REPS1: variants seen among roughly 807,000 people sequenced by gnomAD.
The protein encoded by REPS1 is ralBP1-associated Eps domain-containing protein 1.
Under a neutral mutation model 100.9 loss-of-function variants are expected in REPS1, and 39 were observed. That is an observed-to-expected ratio of 0.39 (90% CI 0.30 to 0.50). The LOEUF is 0.50. REPS1 is among the 20% of genes least tolerant of loss of function. The probability of loss-of-function intolerance (pLI) is 0.86; values close to 1 mark genes in which losing one functional copy is unlikely to be tolerated. For missense variants in REPS1, 821 were observed against 968.5 expected (o/e 0.85, Z 2.02); for synonymous variants, 324 against 340.3 (o/e 0.95, Z 0.53).
At chr6:138,944,087 T>C (rs1782446640) in intron 5 of REPS1, 72 bp from the exon 6 acceptor site, 8 of 1,406,282 alleles carry the variant, frequency 5.7e-6, no homozygotes, top group Non-Finnish European at 7.9e-6. Flanking sequence ...TGCTAGGTTA[T>C]TTATCTTTGA....
chr6:138,911,440 T>A, intron 16 of REPS1, 69 bp from the exon 17 acceptor site: 1 of 998,188 alleles, frequency 1.0e-6, no homozygotes, highest in Non-Finnish European at 1.6e-6. Context: ...ATAGAATATG[T>A]ACCAAATCAG....
rs114173328 is a variant in REPS1 at position 138,983,115 on chromosome 6, A to G, written c.153+4415T>C. On this transcript the variant is annotated intron_variant, in intron 1 of 19. Coordinates refer to ENST00000450536, the MANE Select transcript of REPS1 (RefSeq NM_001286611.2). ...AGGTAAGAGCTGGGACGTGAATAATAGTAAGGGAGAGATACGAATATTCAC... is the reference window on the plus strand; with the variant it reads ...AGGTAAGAGCTGGGACGTGAATAATGGTAAGGGAGAGATACGAATATTCAC... Among the ~76,000 whole-genome samples, 1,152 of 152,320 alleles carry G rather than the reference A, an allele frequency of 7.6e-3. 9 individuals are homozygous for G. The highest frequency in any genetic ancestry group is 0.026 in the African/African-American group (1,065 of 41,566).
chr6:138,960,685 A>C (rs1240204325), intron 1 of REPS1, among the ~76,000 whole-genome samples: 1 of 152,188 alleles, frequency 6.6e-6, no homozygotes, highest in Non-Finnish European at 1.5e-5. Flanking sequence ...GTATTTAGAT[A>C]GCTTTTTAGG....
chr6:138,904,990 G>T lies in REPS1; in HGVS notation c.*74C>A. 8.4e-7 allele frequency: 1 copy of T among 1,188,304 alleles called. No individual in the cohort carries two copies. The allele number at this position is 1,188,304 out of a possible 1,614,324, so 73.6% of individuals were successfully genotyped here. ...TGTTGAGTTAAGCAGTGAGCTGAAT[G>T]TCTAGGTCTCCAAATTGGCTTTGAA... On this transcript the variant is annotated 3_prime_UTR_variant, in exon 20 of 20. Coordinates refer to ENST00000450536, the MANE Select transcript of REPS1 (RefSeq NM_001286611.2).
At chr6:138,932,128 G>C (rs1276122125) in intron 8 of REPS1, among the ~76,000 whole-genome samples, 1 of 152,136 alleles carries the variant, frequency 6.6e-6, no homozygotes, top group East Asian at 1.9e-4. Context: ...CCTCAGGGCA[G>C]TTATGATTTG....
chr6:138,922,531 T>C (rs1582736351), intron 10 of REPS1, among the ~76,000 whole-genome samples: 1 of 152,094 alleles, frequency 6.6e-6, no homozygotes, highest in South Asian at 2.1e-4. Context: ...AAGACAATGG[T>C]AGCCTCTCAG....
chr6:138,967,247 T>C (rs746801171), intron 1 of REPS1, among the ~76,000 whole-genome samples: 2 of 152,224 alleles, frequency 1.3e-5, no homozygotes, highest in African/African-American at 2.4e-5. Context: ...TTTTTTTCAT[T>C]ACCAATTACC....
At chr6:138,972,963 T>C (rs922128635) in intron 1 of REPS1, among the ~76,000 whole-genome samples, 9 of 152,166 alleles carry the variant, frequency 5.9e-5, no homozygotes, top group African/African-American at 2.2e-4. Flanking sequence ...AATGAAGTTC[T>C]AAAGCACCAA....
intron 7 of REPS1, among the ~76,000 whole-genome samples, chr6:138,942,686 C>T (rs1049893720): frequency 6.6e-6 from 1 of 152,136 alleles, no homozygotes; most frequent in Non-Finnish European, 1.5e-5. Flanking sequence ...AAGCAATCTG[C>T]CTGCCTTGGC....
At chr6:138,921,567 C>CTT (rs755518526) in intron 10 of REPS1, among the ~76,000 whole-genome samples, 2,069 of 57,724 alleles carry the variant, frequency 0.036, 417 homozygotes, top group South Asian at 0.07. Flanking sequence ...TAGGAGGATC[C>CTT]TTTTTTTTTT....
intron 19 of REPS1, among the ~76,000 whole-genome samples, chr6:138,906,915 A>AT (rs538416985): frequency 0.011 from 1,569 of 149,002 alleles, 8 homozygotes; most frequent in Non-Finnish European, 0.012. Flanking sequence ...TCTGGGAGTA[A>AT]TTTTTTTTTT....
At chr6:138,924,004 A>T (rs1421480222) in intron 10 of REPS1, among the ~76,000 whole-genome samples, 1 of 152,118 alleles carries the variant, frequency 6.6e-6, no homozygotes, top group Non-Finnish European at 1.5e-5. Context: ...CTTGCAAAGG[A>T]TCATGTGGGA....
At chr6:138,932,703 G>A (rs553300968) in intron 8 of REPS1, among the ~76,000 whole-genome samples, 16 of 152,222 alleles carry the variant, frequency 1.1e-4, no homozygotes, top group Admixed American at 5.2e-4. Flanking sequence ...CACTTTTTTC[G>A]TGGAACACCA....
Position 138,972,245 on chromosome 6 carries a change from G to A in REPS1, c.153+15285C>T, listed in dbSNP as rs557618840. Among the ~76,000 whole-genome samples, 19 of 152,268 alleles carry A rather than the reference G, an allele frequency of 1.2e-4. No homozygotes were observed. The East Asian group carries it at 1.5e-3, about 12-fold the overall frequency. On this transcript the variant is annotated intron_variant, in intron 1 of 19. Transcript: ENST00000450536. ...TTGAAAAGGGGGGCGGAATAAGCAC[G>A]AAAGTGAGGAGAGAGTCCTGTAGCT...
intron 13 of REPS1, among the ~76,000 whole-genome samples, chr6:138,916,715 G>A (rs972446222): frequency 1.3e-5 from 2 of 152,122 alleles, no homozygotes; most frequent in Admixed American, 6.5e-5. Context: ...TCATGTGTCC[G>A]CAGAGGCCAT....
At position 138,988,135 on chromosome 6, in the gene REPS1, T is replaced by A; in HGVS notation, c.-453A>T. 2.5e-6 allele frequency: 1 copy of A among 398,156 alleles called. No homozygotes were observed. The highest frequency in any genetic ancestry group is 1.3e-4 in the South Asian group (1 of 7,852). The allele number at this position is 398,156 out of a possible 1,614,324, so 24.7% of individuals were successfully genotyped here. A position where few individuals can be genotyped will look rare whatever the true frequency, so the allele number is the denominator to read the frequency against. On this transcript the variant is annotated 5_prime_UTR_variant, in exon 1 of 20. Transcript: ENST00000450536. ...AGCGGCAGCGCTTCCCGGAAAGTTG[T>A]GGGGCTTCGAACCTAAAGTTTCGGG...
intron 12 of REPS1, among the ~76,000 whole-genome samples, chr6:138,919,118 T>C (rs1351697565): frequency 2.6e-5 from 4 of 152,076 alleles, no homozygotes; most frequent in Non-Finnish European, 1.5e-5. Flanking sequence ...CCTACAGCTA[T>C]CAGTTTTCCT....
At chr6:138,982,958 A>C (rs750445812) in intron 1 of REPS1, among the ~76,000 whole-genome samples, 5 of 152,192 alleles carry the variant, frequency 3.3e-5, no homozygotes, top group Non-Finnish European at 7.3e-5. Context: ...TACTACGCAA[A>C]GGAGTAAGTT....
rs1465388364 is a variant in REPS1 at position 138,988,230 on chromosome 6, C to G, written c.-548G>C. 1 of 398,486 alleles carries G rather than the reference C, an allele frequency of 2.5e-6. No homozygotes were observed. Among genetic ancestry groups the G allele is most frequent in the African/African-American group, 2.1e-5 (1 of 48,734 alleles). The allele number at this position is 398,486 out of a possible 1,614,324, so 24.7% of individuals were successfully genotyped here. ...CATTTACAGTGCCCCGGCCCGGCCC[C>G]GACGCGCCCGCACCAACAGTGACAG... On this transcript the variant is annotated 5_prime_UTR_variant, in exon 1 of 20. Coordinates refer to ENST00000450536, the MANE Select transcript of REPS1 (RefSeq NM_001286611.2).
Sources: gnomAD v4.1 joint callset for allele counts (sites outside exome capture counted in the v4.1 genomes callset) on GRCh38, gnomAD v4.1.1 for gene constraint, MANE v1.5 for transcripts, NCBI Gene and HGNC (gene_info 2026-07-23, HGNC 2026-07-21) for gene names.